IL1RAP: variants seen among roughly 807,000 people sequenced by gnomAD.
The protein encoded by IL1RAP is interleukin-1 receptor accessory protein.
Under a neutral mutation model 60.7 loss-of-function variants are expected in IL1RAP, and 35 were observed. That is an observed-to-expected ratio of 0.58 (90% confidence interval 0.44 to 0.76). The LOEUF is 0.76. IL1RAP is among the 30% of genes least tolerant of loss of function. The probability of loss-of-function intolerance (pLI) is 0.00; values close to 1 mark genes in which losing one functional copy is unlikely to be tolerated. For synonymous variants in IL1RAP, 268 were observed against 250.9 expected (o/e 1.07, Z -0.64); for missense variants, 572 against 693.9 (o/e 0.82, Z 1.97).
At chr3:190,643,220 C>A (rs1253046960) in intron 9 of IL1RAP, among the ~76,000 whole-genome samples, 1 of 151,988 alleles carries the variant, frequency 6.6e-6, no homozygotes, top group Non-Finnish European at 1.5e-5. Flanking sequence ...ACGGGAGAGC[C>A]AGGTTTCAAT....
At position 190,572,859 on chromosome 3, in the gene IL1RAP, G is replaced by GTTTTTTTTTTTTTTTTTTT. The variant is rs1200775636; in HGVS notation, c.64+8510_64+8528dup. 1.0e-4 allele frequency among the ~76,000 whole-genome samples: 4 copies of GTTTTTTTTTTTTTTTTTTT among 39,048 alleles called. 1 individual carries two copies. The highest frequency in any genetic ancestry group is 2.4e-4 in the African/African-American group (2 of 8,280). 25.6% of individuals were successfully genotyped at this position (39,048 alleles called of 152,430 possible). ...TCAGCATGTCCAGGGTTAATGCTTT[G>GTTTTTTTTTTTTTTTTTTT]TTTTTTTTTTTTTTTTTTTTTTGAG... On this transcript the variant is annotated intron_variant, in intron 3 of 11. Coordinates refer to ENST00000447382, the MANE Select transcript of IL1RAP (RefSeq NM_002182.4).
chr3:190,604,887 T>C (rs781713913), intron 4 of IL1RAP, among the ~76,000 whole-genome samples: 4 of 152,270 alleles, frequency 2.6e-5, no homozygotes, highest in Non-Finnish European at 4.4e-5. Flanking sequence ...CTCCCAAATA[T>C]TATTTTACTT....
chr3:190,564,710 C>T (rs1204592515), intron 3 of IL1RAP: 1 of 222,024 alleles, frequency 4.5e-6, no homozygotes, highest in Non-Finnish European at 9.2e-6. Context: ...AAATTTGAGC[C>T]AGTGGTGGAA....
chr3:190,604,693 C>A (rs1175518594), intron 4 of IL1RAP, among the ~76,000 whole-genome samples: 1 of 152,124 alleles, frequency 6.6e-6, no homozygotes, highest in African/African-American at 2.4e-5. Flanking sequence ...TCTCACCACA[C>A]CGGTTCCTGC....
Position 190,624,660 on chromosome 3 carries a change from G to A in IL1RAP, c.775+1245G>A, listed in dbSNP as rs549265037. 14 of 210,422 alleles carry A rather than the reference G, an allele frequency of 6.7e-5. No homozygotes were observed. The South Asian group carries it at 1.4e-3, about 21-fold the overall frequency. 13.0% of individuals were successfully genotyped at this position (210,422 alleles called of 1,614,324 possible). A position where few individuals can be genotyped will look rare whatever the true frequency, so the allele number is the denominator to read the frequency against. The stretch of plus-strand genomic sequence containing the variant: ...AAAAAGAGGTATGTAGTTGTTCATG[G>A]AAAGCTGACAAACACAGGAACTGTC... On this transcript the variant is annotated intron_variant, in intron 7 of 11. Coordinates refer to ENST00000447382, the MANE Select transcript of IL1RAP (RefSeq NM_002182.4).
intron 2 of IL1RAP, among the ~76,000 whole-genome samples, chr3:190,562,336 C>G (rs1221760629): frequency 6.6e-6 from 1 of 151,724 alleles, no homozygotes; most frequent in African/African-American, 2.4e-5. Flanking sequence ...CTGTTCCTCT[C>G]TATTTTTATC....
chr3:190,558,661 T>C (rs1454055810), intron 2 of IL1RAP, among the ~76,000 whole-genome samples: 1 of 150,808 alleles, frequency 6.6e-6, no homozygotes, highest in East Asian at 1.9e-4. Flanking sequence ...AACTTTATTC[T>C]TCTTTTTCAA....
At chr3:190,644,658 A>G (rs1733885125) in intron 10 of IL1RAP, among the ~76,000 whole-genome samples, 1 of 152,192 alleles carries the variant, frequency 6.6e-6, no homozygotes, top group Admixed American at 6.5e-5. Context: ...CCTACTTAAA[A>G]TTTCCCAGTG....
At chr3:190,595,277 A>T (rs190731788) in intron 3 of IL1RAP, among the ~76,000 whole-genome samples, 1 of 152,296 alleles carries the variant, frequency 6.6e-6, no homozygotes, top group East Asian at 1.9e-4. Flanking sequence ...GCCACTAGGT[A>T]TCAAAGTCCG....
intron 1 of IL1RAP, among the ~76,000 whole-genome samples, chr3:190,552,235 C>A (rs1481401086): frequency 2.6e-5 from 4 of 152,082 alleles, no homozygotes; most frequent in African/African-American, 9.7e-5. Context: ...ACTTAACAAG[C>A]AAAAATCCTT....
chr3:190,644,333 T>C lies in IL1RAP; in HGVS notation c.1137T>C (p.His379=), dbSNP rs755394989. The change falls in exon 10 of 12, where the codon CAT becomes CAC. Residue 379 remains histidine (H), a synonymous_variant. Transcript: ENST00000447382. ...TGGTGATTCTCATTGTTGTTTACCA[T>C]GTTTACTGGCTAGAGATGGTCCTAT... is the stretch of plus-strand genomic sequence containing the variant. The part of the protein sequence containing the change: ...LLVVILIVVY[H]VYWLEMVLFY... The C allele has an allele frequency of 6.2e-7, 1 of 1,614,134 alleles. No homozygotes were observed. The highest frequency in any genetic ancestry group is 8.5e-7 in the Non-Finnish European group (1 of 1,179,964).
chr3:190,629,398 C>T lies in IL1RAP; in HGVS notation c.951C>T (p.Ser317=), dbSNP rs748143568. ...ATGAAACAAGAACTCAGATTTTGAG[C>T]ATCAAGAAAGTTACCTCTGAGGATC... ...TEDETRTQIL[S]IKKVTSEDLK... Residue 317 remains serine (S), a synonymous_variant, in exon 9 of 12, where the codon AGC becomes AGT. Coordinates refer to ENST00000447382, the MANE Select transcript of IL1RAP (RefSeq NM_002182.4). 5.6e-6 allele frequency: 9 copies of T among 1,613,280 alleles called. No individual in the cohort carries two copies. Among genetic ancestry groups the T allele is most frequent in the Non-Finnish European group, 7.6e-6 (9 of 1,179,646 alleles).
At chr3:190,633,659 C>A (rs1394759994) in intron 9 of IL1RAP, among the ~76,000 whole-genome samples, 1 of 152,108 alleles carries the variant, frequency 6.6e-6, no homozygotes, top group Non-Finnish European at 1.5e-5. Flanking sequence ...CCATGCCCGG[C>A]CTGTAATAGT....
At chr3:190,603,887 G>T (rs1560205120) in intron 3 of IL1RAP, among the ~76,000 whole-genome samples, 1 of 152,130 alleles carries the variant, frequency 6.6e-6, no homozygotes, top group Non-Finnish European at 1.5e-5. Flanking sequence ...GCTTAACAGG[G>T]TCAAGCTATC....
At chr3:190,568,071 A>G (rs1375476251) in intron 3 of IL1RAP, among the ~76,000 whole-genome samples, 1 of 152,216 alleles carries the variant, frequency 6.6e-6, no homozygotes, top group African/African-American at 2.4e-5. Flanking sequence ...AAATATTACC[A>G]TATCAAAATT....
At chr3:190,572,859 G>GCTTTTT (rs1727054483) in intron 3 of IL1RAP, among the ~76,000 whole-genome samples, 2 of 39,052 alleles carry the variant, frequency 5.1e-5, no homozygotes, top group South Asian at 1.5e-3. Context: ...TTAATGCTTT[G>GCTTTTT]TTTTTTTTTT....
intron 2 of IL1RAP, chr3:190,563,452 T>C (rs954132692): frequency 7.2e-5 from 11 of 152,170 alleles, no homozygotes; most frequent in Non-Finnish European, 1.2e-4. Context: ...GGCCAGATAT[T>C]TCTTGGGTAG....
chr3:190,522,289 G>GCTTCCTTCCTTCCTTTGCTTCCTTC (rs1722093290), intron 1 of IL1RAP, among the ~76,000 whole-genome samples: 1 of 135,364 alleles, frequency 7.4e-6, no homozygotes, highest in Admixed American at 7.7e-5. Context: ...GCCTTCCTTT[G>GCTTCCTTCCTTCCTTTGCTTCCTTC]CTTCCTTCCT....
chr3:190,629,254 G>C (rs1435434850), intron 8 of IL1RAP, 96 bp from the exon 9 acceptor site: 1 of 811,684 alleles, frequency 1.2e-6, no homozygotes, highest in Non-Finnish European at 2.0e-6. Flanking sequence ...CTCACCTGTA[G>C]TGGGGGTCTG....
Sources: allele counts gnomAD v4.1 joint callset (sites outside exome capture counted in the v4.1 genomes callset), GRCh38; gene constraint gnomAD v4.1.1; transcripts MANE v1.5; gene names NCBI Gene and HGNC (gene_info 2026-07-23, HGNC 2026-07-21).